Variants in EPB41L3 observed in about 807,000 individuals in gnomAD.
EPB41L3 encodes the protein band 4.1-like protein 3.
EPB41L3 carries 57 observed loss-of-function variants against 127.1 expected under a neutral mutation model. That is an observed-to-expected ratio of 0.45 (90% CI 0.36 to 0.56). The LOEUF (loss-of-function observed/expected upper bound fraction) is 0.56, where lower values mean the gene tolerates loss of function less well. EPB41L3 is among the 20% of genes least tolerant of loss of function. EPB41L3 has a pLI of 0.00. For synonymous variants in EPB41L3, 572 were observed against 549.5 expected (o/e 1.04, Z -0.57); for missense variants, 1,273 against 1,372.2 (o/e 0.93, Z 1.14).
At chr18:5,464,343 T>C (rs931713022) in intron 3 of EPB41L3, among the ~76,000 whole-genome samples, 7 of 152,286 alleles carry the variant, frequency 4.6e-5, no homozygotes, top group Admixed American at 2.0e-4. Context: ...GAACCACCAC[T>C]GAGGAATCTT....
Position 5,433,131 on chromosome 18 carries a change from C to T in EPB41L3, c.912+338G>A, listed in dbSNP as rs189692887. On this transcript the variant is annotated intron_variant, in intron 8 of 22. Coordinates refer to ENST00000341928, the MANE Select transcript of EPB41L3 (RefSeq NM_012307.5). ...ATGTGACGGCACAGAGTGGGAAATACGACTGTGATGGGGAGGCAGGGTGAA... is the reference window on the plus strand; with the variant it reads ...ATGTGACGGCACAGAGTGGGAAATATGACTGTGATGGGGAGGCAGGGTGAA... Among the ~76,000 whole-genome samples, 4 of 152,244 alleles carry T rather than the reference C, an allele frequency of 2.6e-5. 1 individual carries two copies. Among genetic ancestry groups the T allele is most frequent in the African/African-American group, 4.8e-5 (2 of 41,544 alleles).
intron 3 of EPB41L3, among the ~76,000 whole-genome samples, chr18:5,452,225 T>A (rs7230414): frequency 6.6e-6 from 1 of 151,860 alleles, no homozygotes; most frequent in Non-Finnish European, 1.5e-5. Context: ...AATTAAAATA[T>A]GTTTGCAACT....
At chr18:5,600,543 C>T (rs1194376988) in intron 3 of EPB41L3, among the ~76,000 whole-genome samples, 2 of 152,194 alleles carry the variant, frequency 1.3e-5, no homozygotes, top group Non-Finnish European at 2.9e-5. Flanking sequence ...TACTTACATC[C>T]ATATTATTTT....
intron 3 of EPB41L3, among the ~76,000 whole-genome samples, chr18:5,574,239 GATTTTTTTCTTGTTTAGA>G (rs1171037165): frequency 6.6e-6 from 1 of 151,766 alleles, no homozygotes; most frequent in Middle Eastern, 3.2e-3. Context: ...ATTACAGTCA[GATTTTTTTCTTGTTTAGA>G]AATGGGGTCT....
chr18:5,408,823 A>G (rs2144150231), intron 14 of EPB41L3, among the ~76,000 whole-genome samples: 1 of 152,276 alleles, frequency 6.6e-6, no homozygotes, highest in South Asian at 2.1e-4. Flanking sequence ...CTTTCTGAGT[A>G]TCAGTAATTA....
At chr18:5,623,155 G>A (rs1277945757) in intron 1 of EPB41L3, among the ~76,000 whole-genome samples, 1 of 152,060 alleles carries the variant, frequency 6.6e-6, no homozygotes, top group Non-Finnish European at 1.5e-5. Context: ...CAGATGAGCT[G>A]GGTATGGAAC....
chr18:5,487,028 G>C (rs2089864160), intron 2 of EPB41L3, among the ~76,000 whole-genome samples: 1 of 152,184 alleles, frequency 6.6e-6, no homozygotes, highest in African/African-American at 2.4e-5. Flanking sequence ...CTGCACTCCA[G>C]TGTTTACTGC....
chr18:5,493,167 G>A (rs1246082991), intron 1 of EPB41L3, among the ~76,000 whole-genome samples: 1 of 152,224 alleles, frequency 6.6e-6, no homozygotes, highest in South Asian at 2.1e-4. Context: ...ATTAGTTTCT[G>A]TATTCAAATT....
intron 2 of EPB41L3, among the ~76,000 whole-genome samples, chr18:5,484,728 A>G (rs1386755751): frequency 1.3e-5 from 2 of 152,200 alleles, no homozygotes; most frequent in Non-Finnish European, 2.9e-5. Flanking sequence ...AACAGATTGG[A>G]AAACCCAGAA....
intron 3 of EPB41L3, among the ~76,000 whole-genome samples, chr18:5,469,136 A>G (rs1207797319): frequency 6.6e-6 from 1 of 152,098 alleles, no homozygotes; most frequent in Non-Finnish European, 1.5e-5. Context: ...AAAAAGCTGT[A>G]ACACACACAG....
In EPB41L3 at chr18:5,489,115, C is replaced by A. The variant is rs763808085; in HGVS notation, c.69G>T (p.Ala23=). The change falls in exon 2 of 23, where the codon GCG becomes GCT. Residue 23 remains alanine (A), a synonymous_variant. Transcript: ENST00000341928. ...GCGCCCCCGCGCGCCCCTGCGCCCCCGCCGCCTCCTGGGGCTCGGCCTCCT... is the reference window on the plus strand; with the variant it reads ...GCGCCCCCGCGCGCCCCTGCGCCCCAGCCGCCTCCTGGGGCTCGGCCTCCT... ...PDQEAEPQEA[A]GAQGRAGAPV... 5 of 1,594,926 alleles carry A rather than the reference C, an allele frequency of 3.1e-6. No individual in the cohort carries two copies. In the South Asian group the frequency reaches 5.6e-5, roughly 18 times the overall value.
Position 5,415,693 on chromosome 18 carries a change from C to T in EPB41L3, c.2067+125G>A, listed in dbSNP as rs554155764. The T allele has an allele frequency of 5.8e-6, 6 of 1,032,192 alleles. No homozygotes were observed. In the East Asian group the frequency reaches 1.0e-4, roughly 17 times the overall value. The allele number at this position is 1,032,192 out of a possible 1,614,324, so 63.9% of individuals were successfully genotyped here. The stretch of plus-strand genomic sequence containing the variant: ...ACTCCCCAACACACAGAAACCTCAA[C>T]ATATTGGCACAGACAATAAATGAGG... On this transcript the variant is annotated intron_variant, in intron 13 of 22. Transcript: ENST00000341928.
chr18:5,539,988 T>C (rs557256467), intron 1 of EPB41L3, among the ~76,000 whole-genome samples: 60 of 152,316 alleles, frequency 3.9e-4, no homozygotes, highest in African/African-American at 1.1e-3. Context: ...AATGAGAACA[T>C]TGCCTACCCA....
intron 3 of EPB41L3, among the ~76,000 whole-genome samples, chr18:5,604,550 T>C (rs1299972518): frequency 1.3e-5 from 2 of 151,974 alleles, no homozygotes; most frequent in African/African-American, 4.8e-5. Context: ...GCCTTCCGAG[T>C]TCAAGTGATT....
intron 3 of EPB41L3, among the ~76,000 whole-genome samples, chr18:5,447,311 A>C (rs932401024): frequency 8.5e-5 from 13 of 152,154 alleles, no homozygotes; most frequent in African/African-American, 3.1e-4. Context: ...ACTAATGTAG[A>C]GCAGATTATT....
At chr18:5,501,848 C>G (rs951225533) in intron 1 of EPB41L3, among the ~76,000 whole-genome samples, 8 of 152,186 alleles carry the variant, frequency 5.3e-5, no homozygotes, top group African/African-American at 1.9e-4. Context: ...AAAGGTCTCC[C>G]TGGCACACAA....
chr18:5,457,404 T>C (rs1187672401), intron 3 of EPB41L3, among the ~76,000 whole-genome samples: 1 of 151,748 alleles, frequency 6.6e-6, no homozygotes, highest in Non-Finnish European at 1.5e-5. Flanking sequence ...TTGCTGATCC[T>C]ATAAACCAGC....
At chr18:5,469,447 A>G (rs71360814) in intron 3 of EPB41L3, among the ~76,000 whole-genome samples, 13 of 75,058 alleles carry the variant, frequency 1.7e-4, no homozygotes, top group East Asian at 6.8e-4. Flanking sequence ...AGCAGCCAGC[A>G]TGCCTGGCTG....
At chr18:5,407,647 T>A (rs1482155255) in intron 15 of EPB41L3, 54 bp downstream of exon 15, 1 of 1,576,770 alleles carries the variant, frequency 6.3e-7, no homozygotes, top group East Asian at 2.2e-5. Flanking sequence ...CAATGACTTA[T>A]CACACACTGT....
Sources: allele counts gnomAD v4.1 joint callset (sites outside exome capture counted in the v4.1 genomes callset), GRCh38; gene constraint gnomAD v4.1.1; transcripts MANE v1.5; gene names NCBI Gene and HGNC (gene_info 2026-07-23, HGNC 2026-07-21).